CAPS2: variants seen among roughly 807,000 people sequenced by gnomAD.
CAPS2 encodes calcyphosine 2, also known as calcyphosin-2.
CAPS2 carries 98 observed loss-of-function variants against 86.5 expected under a neutral mutation model. The observed-to-expected ratio is 1.13, with a 90% CI of 0.96 to 1.34. CAPS2 has a LOEUF of 1.34. CAPS2 is among the 40% of genes most tolerant of loss of function. The probability of loss-of-function intolerance (pLI) is 0.00; values close to 1 mark genes in which losing one functional copy is unlikely to be tolerated. For missense variants in CAPS2, 729 were observed against 686.8 expected (o/e 1.06, Z -0.69); for synonymous variants, 210 against 225.1 (o/e 0.93, Z 0.60).
chr12:75,390,204 T>G (rs1454243755), intron 1 of CAPS2: 1 of 393,376 alleles, frequency 2.5e-6, no homozygotes, highest in Non-Finnish European at 5.0e-6. Flanking sequence ...CAAGTTGGTT[T>G]TGTTTTGTTT....
At chr12:75,302,946 G>A (rs2037995435) in intron 8 of CAPS2, among the ~76,000 whole-genome samples, 1 of 152,206 alleles carries the variant, frequency 6.6e-6, no homozygotes, top group South Asian at 2.1e-4. Flanking sequence ...TCAGCAACCA[G>A]TTGGGAAAGC....
At chr12:75,286,908 T>G (rs1441765876) in intron 14 of CAPS2, among the ~76,000 whole-genome samples, 2 of 151,766 alleles carry the variant, frequency 1.3e-5, no homozygotes, top group Non-Finnish European at 2.9e-5. Context: ...ATTACTGTAG[T>G]TTTTGTTCCT....
intron 6 of CAPS2, among the ~76,000 whole-genome samples, chr12:75,314,889 G>A (rs2138867278): frequency 6.6e-6 from 1 of 152,212 alleles, no homozygotes; most frequent in Non-Finnish European, 1.5e-5. Flanking sequence ...CAGATTACAA[G>A]CAGAAGTGAC....
At chr12:75,292,825 C>T (rs963578676) in intron 12 of CAPS2, among the ~76,000 whole-genome samples, 2 of 149,988 alleles carry the variant, frequency 1.3e-5, no homozygotes, top group African/African-American at 4.9e-5. Flanking sequence ...TTTCACTGTG[C>T]ACTTTATCAA....
intron 1 of CAPS2, chr12:75,370,034 G>T: frequency 7.7e-7 from 1 of 1,295,728 alleles, no homozygotes; most frequent in Non-Finnish European, 1.1e-6. Flanking sequence ...TCCTCCCGTT[G>T]AAAATCAATT....
intron 7 of CAPS2, among the ~76,000 whole-genome samples, chr12:75,310,581 C>T (rs1007974139): frequency 6.6e-6 from 1 of 152,096 alleles, no homozygotes; most frequent in Non-Finnish European, 1.5e-5. Flanking sequence ...GTGTTATTGG[C>T]CTGAATTTTT....
chr12:75,340,947 T>C (rs142227858), intron 1 of CAPS2, among the ~76,000 whole-genome samples: 203 of 151,812 alleles, frequency 1.3e-3, no homozygotes, highest in South Asian at 5.2e-3. Context: ...GGTGAAGATA[T>C]GGAGAAAATT....
intron 1 of CAPS2, among the ~76,000 whole-genome samples, chr12:75,346,552 A>G (rs1175646039): frequency 6.6e-6 from 1 of 152,022 alleles, no homozygotes; most frequent in Non-Finnish European, 1.5e-5. Context: ...CACCACGCTC[A>G]GCTAGTTTTT....
At chr12:75,291,567 GTATATATATATATATA>G (rs66622366) in intron 13 of CAPS2, among the ~76,000 whole-genome samples, 161 bp downstream of exon 13, 381 of 27,700 alleles carry the variant, frequency 0.014, 9 homozygotes, top group African/African-American at 0.046. Flanking sequence ...ATTTTTAAAA[GTATATATATATATATA>G]TATATATATA....
At chr12:75,337,392 A>G (rs568465778) in intron 1 of CAPS2, among the ~76,000 whole-genome samples, 30 of 152,012 alleles carry the variant, frequency 2.0e-4, no homozygotes, top group Non-Finnish European at 4.3e-4. Context: ...TCAAAAATCA[A>G]TTTTAGGAAT....
rs1023555821 is a variant in CAPS2 at position 75,292,702 on chromosome 12, A to T, written c.1163+547T>A. Among the ~76,000 whole-genome samples the T allele has an allele frequency of 1.1e-4, 16 of 147,232 alleles. No individual in the cohort carries two copies. The East Asian group carries it at 3.1e-3, about 29-fold the overall frequency. On this transcript the variant is annotated intron_variant, in intron 12 of 16. Coordinates refer to ENST00000393284, the Ensembl canonical transcript of CAPS2. The stretch of plus-strand genomic sequence containing the variant: ...TCTATAATACATATATAATATGTAT[A>T]TATTATATATTATATATAATATCAC...
At chr12:75,283,787 C>T (rs1450845072) in intron 15 of CAPS2, among the ~76,000 whole-genome samples, 5 of 152,066 alleles carry the variant, frequency 3.3e-5, no homozygotes, top group African/African-American at 9.7e-5. Context: ...GCCCTCCAGC[C>T]TGGGCAACAG....
Position 75,390,871 on chromosome 12 carries a change from C to G in CAPS2, c.-428G>C, listed in dbSNP as rs753220725. 3 of 687,096 alleles carry G rather than the reference C, an allele frequency of 4.4e-6. No homozygotes were observed. In the South Asian group the frequency reaches 4.5e-5, roughly 10 times the overall value. The allele number at this position is 687,096 out of a possible 1,614,324, so 42.6% of individuals were successfully genotyped here. ...AGTCTTTCTTTAGTTTGTCAGACAT[C>G]TATTACCAGCTTTCTTCACTCTGCA... On this transcript the variant is annotated 5_prime_UTR_variant, in exon 1 of 6. Coordinates refer to the CAPS2 transcript ENST00000551829.
At chr12:75,385,081 T>C (rs2045218769) in intron 1 of CAPS2, among the ~76,000 whole-genome samples, 1 of 152,220 alleles carries the variant, frequency 6.6e-6, no homozygotes, top group African/African-American at 2.4e-5. Flanking sequence ...ATGCCCAACC[T>C]TCTTGCCATA....
chr12:75,279,822 AAATT>A (rs766006972), intron 16 of CAPS2, among the ~76,000 whole-genome samples: 18 of 152,102 alleles, frequency 1.2e-4, no homozygotes, highest in Admixed American at 1.0e-3. Flanking sequence ...TCAAGGCTAA[AAATT>A]AATCAAGATC....
chr12:75,333,741 C>T (rs962859688), upstream of CAPS2: 6 of 152,122 alleles, frequency 3.9e-5, no homozygotes, highest in African/African-American at 9.7e-5. Flanking sequence ...GCGGATCATT[C>T]AGCAGATGTA....
At chr12:75,306,314 G>C in intron 7 of CAPS2, 1 of 573,296 alleles carries the variant, frequency 1.7e-6, no homozygotes, top group East Asian at 3.5e-5. Flanking sequence ...CTCTGCGGGA[G>C]GCTAATCCCA....
chr12:75,387,328 G>T (rs1368051367), intron 1 of CAPS2, among the ~76,000 whole-genome samples: 1 of 152,106 alleles, frequency 6.6e-6, no homozygotes. Context: ...ATGTCACCAG[G>T]AAAACGCACA....
At chr12:75,371,435 C>G (rs1257808572) in intron 1 of CAPS2, 1 of 335,686 alleles carries the variant, frequency 3.0e-6, no homozygotes, top group Non-Finnish European at 6.1e-6. Context: ...TCACTGCTCT[C>G]CTTTGGCAAT....
Sources: gnomAD v4.1 joint callset for allele counts (sites outside exome capture counted in the v4.1 genomes callset) on GRCh38, gnomAD v4.1.1 for gene constraint, MANE v1.5 for transcripts, NCBI Gene and HGNC (gene_info 2026-07-23, HGNC 2026-07-21) for gene names.